Variants in CDH20 observed in about 807,000 individuals in gnomAD.
CDH20 encodes the protein cadherin-20.
In CDH20, 29 loss-of-function variants were observed where a neutral mutation model predicts 74.2. The ratio of observed to expected loss-of-function variants is 0.39; its 90% CI spans 0.29 to 0.53. The LOEUF (loss-of-function observed/expected upper bound fraction) is 0.53, where lower values mean the gene tolerates loss of function less well. Ranked by LOEUF, CDH20 falls within the 20% of genes least tolerant of loss-of-function variation. The pLI, the probability that CDH20 is intolerant of heterozygous loss-of-function variation, is 0.69. For missense variants in CDH20, 988 were observed against 1,048.3 expected (o/e 0.94, Z 0.79); for synonymous variants, 469 against 405.4 (o/e 1.16, Z -1.88).
chr18:61,484,156 T>A (rs1044118923), intron 1 of CDH20, among the ~76,000 whole-genome samples: 1 of 152,230 alleles, frequency 6.6e-6, no homozygotes, highest in Non-Finnish European at 1.5e-5. Context: ...CCACATAATT[T>A]CATTTTAAAT....
In CDH20 at chr18:61,554,896, C is replaced by G. The variant is rs1281472744; in HGVS notation, c.*201C>G. ...AAAAGGAAACCCAGAAGGAAGAGGG[C>G]AGAATCTTTAATTACCTTTTTTTCT... On this transcript the variant is annotated 3_prime_UTR_variant, in exon 12 of 12. Coordinates refer to ENST00000262717, the MANE Select transcript of CDH20 (RefSeq NM_031891.4). 7.2e-7 allele frequency: 1 copy of G among 1,385,018 alleles called. No homozygotes were observed. The allele number at this position is 1,385,018 out of a possible 1,614,324, so 85.8% of individuals were successfully genotyped here.
At chr18:61,534,085 A>G (rs867617080) in intron 7 of CDH20, among the ~76,000 whole-genome samples, 3 of 152,230 alleles carry the variant, frequency 2.0e-5, no homozygotes, top group Admixed American at 1.3e-4. Context: ...AAATGCCTAA[A>G]CAGACATTTC....
chr18:61,477,582 G>C (rs647535), intron 1 of CDH20, among the ~76,000 whole-genome samples: 1 of 151,954 alleles, frequency 6.6e-6, no homozygotes, highest in African/African-American at 2.4e-5. Context: ...ATAGTATTCC[G>C]ATGCATGAGT....
intron 1 of CDH20, among the ~76,000 whole-genome samples, chr18:61,352,414 T>C (rs1056809650): frequency 1.3e-4 from 20 of 152,204 alleles, no homozygotes; most frequent in African/African-American, 4.3e-4. Flanking sequence ...AGCTTTGTGA[T>C]TTATGATAAT....
At chr18:61,475,110 T>C (rs887195105) in intron 1 of CDH20, among the ~76,000 whole-genome samples, 1 of 152,036 alleles carries the variant, frequency 6.6e-6, no homozygotes, top group Non-Finnish European at 1.5e-5. Flanking sequence ...CTCTGGCAGA[T>C]AACAGGATAG....
intron 1 of CDH20, among the ~76,000 whole-genome samples, chr18:61,413,189 T>A (rs1912568637): frequency 6.6e-6 from 1 of 152,150 alleles, no homozygotes; most frequent in Non-Finnish European, 1.5e-5. Flanking sequence ...ACCATCCACA[T>A]CCACATCTGT....
In CDH20 at chr18:61,554,177, T is replaced by A; in HGVS notation, c.1901-13T>A. 6.2e-7 allele frequency: 1 copy of A among 1,600,820 alleles called. No individual in the cohort carries two copies. The highest frequency in any genetic ancestry group is 8.5e-7 in the Non-Finnish European group (1 of 1,170,878). ...CTCCTCGGTAAACACACTCTCCTTT[T>A]TGTTCCTGGCAGTGCTGGTGTTGCT... On this transcript the variant is annotated splice_polypyrimidine_tract_variant and intron_variant, in intron 11 of 11. Transcript: ENST00000262717.
chr18:61,402,192 A>G (rs773562965), intron 1 of CDH20, among the ~76,000 whole-genome samples: 2 of 152,138 alleles, frequency 1.3e-5, no homozygotes, highest in Non-Finnish European at 2.9e-5. Context: ...TGGAACTGGA[A>G]AGCATTCTGG....
chr18:61,398,582 A>G (rs901153131), intron 1 of CDH20, among the ~76,000 whole-genome samples: 5 of 152,210 alleles, frequency 3.3e-5, no homozygotes, highest in African/African-American at 1.2e-4. Flanking sequence ...TAAGATATTT[A>G]AGAAGATATA....
intron 1 of CDH20, among the ~76,000 whole-genome samples, chr18:61,396,794 C>T (rs968331165): frequency 2.0e-5 from 3 of 152,220 alleles, no homozygotes; most frequent in Non-Finnish European, 2.9e-5. Context: ...AGTTAATCCC[C>T]AGCAAACAGC....
At chr18:61,503,193 A>T in intron 5 of CDH20, 73 bp downstream of exon 5, 1 of 1,176,994 alleles carries the variant, frequency 8.5e-7, no homozygotes, top group Non-Finnish European at 1.2e-6. Context: ...TGCGGGAGAA[A>T]GCCCAGTTTG....
At chr18:61,423,771 T>G (rs1912973673) in intron 1 of CDH20, among the ~76,000 whole-genome samples, 1 of 152,184 alleles carries the variant, frequency 6.6e-6, no homozygotes, top group South Asian at 2.1e-4. Flanking sequence ...ATTATTTTAT[T>G]CAATATAAGC....
chr18:61,385,102 C>T (rs1218584607), intron 1 of CDH20, among the ~76,000 whole-genome samples: 1 of 152,116 alleles, frequency 6.6e-6, no homozygotes, highest in African/African-American at 2.4e-5. Context: ...ACCTCCAAAC[C>T]TGCCTTTAAT....
intron 1 of CDH20, among the ~76,000 whole-genome samples, chr18:61,419,833 C>T (rs1045456855): frequency 6.6e-6 from 1 of 152,136 alleles, no homozygotes; most frequent in African/African-American, 2.4e-5. Context: ...GACCTGCGTA[C>T]AAAATAGAAC....
chr18:61,505,508 A>G (rs1911533530), intron 5 of CDH20, among the ~76,000 whole-genome samples: 4 of 151,672 alleles, frequency 2.6e-5, no homozygotes, highest in Non-Finnish European at 5.9e-5. Flanking sequence ...GCTAATTTTT[A>G]TATTTTTTAT....
At chr18:61,509,341 T>C (rs1017343172) in intron 6 of CDH20, among the ~76,000 whole-genome samples, 2 of 152,214 alleles carry the variant, frequency 1.3e-5, no homozygotes, top group Non-Finnish European at 2.9e-5. Flanking sequence ...GTTGACAGTG[T>C]GGGAGGTGCC....
At chr18:61,534,806 A>G (rs1599153070) in intron 7 of CDH20, among the ~76,000 whole-genome samples, 3 of 152,232 alleles carry the variant, frequency 2.0e-5, no homozygotes, top group African/African-American at 7.2e-5. Context: ...CCTGTGATCT[A>G]TTGCACAGCA....
At chr18:61,378,163 T>A (rs1039077608) in intron 1 of CDH20, among the ~76,000 whole-genome samples, 2 of 152,202 alleles carry the variant, frequency 1.3e-5, no homozygotes, top group African/African-American at 4.8e-5. Context: ...ATGGGCATTC[T>A]AAATTAAATT....
intron 1 of CDH20, among the ~76,000 whole-genome samples, chr18:61,453,422 C>T (rs577834261): frequency 1.1e-4 from 16 of 152,198 alleles, no homozygotes; most frequent in African/African-American, 1.9e-4. Flanking sequence ...GGATTATAGG[C>T]GTGTGCCACC....
Sources: allele counts gnomAD v4.1 joint callset (sites outside exome capture counted in the v4.1 genomes callset), GRCh38; gene constraint gnomAD v4.1.1; transcripts MANE v1.5; gene names NCBI Gene and HGNC (gene_info 2026-07-23, HGNC 2026-07-21).